Variants in AGBL4 observed in about 807,000 individuals in gnomAD.
The protein encoded by AGBL4 is cytosolic carboxypeptidase 6.
A neutral mutation model predicts 66.4 loss-of-function variants in AGBL4; 58 were observed. That is an observed-to-expected ratio of 0.87 (90% CI 0.71 to 1.09). AGBL4 has a LOEUF of 1.09. Among genes scored for constraint, AGBL4 ranks in the 50% least tolerant of loss-of-function variants. The probability of loss-of-function intolerance (pLI) is 0.00; values close to 1 mark genes in which losing one functional copy is unlikely to be tolerated. For missense variants in AGBL4, 579 were observed against 631.0 expected (o/e 0.92, Z 0.88); for synonymous variants, 234 against 222.9 (o/e 1.05, Z -0.44).
intron 3 of AGBL4, among the ~76,000 whole-genome samples, chr1:49,697,007 G>A (rs990547792): frequency 1.3e-5 from 2 of 152,056 alleles, no homozygotes; most frequent in Admixed American, 6.6e-5. Flanking sequence ...AAACATAATA[G>A]CAAGTCTCTT....
chr1:48,695,807 A>T (rs1646704879), intron 6 of AGBL4, among the ~76,000 whole-genome samples: 3 of 152,164 alleles, frequency 2.0e-5, no homozygotes, highest in Admixed American at 2.0e-4. Flanking sequence ...AAGGTGCTGC[A>T]AAGACAGACT....
chr1:49,985,641 C>T (rs2148393825), intron 1 of AGBL4, among the ~76,000 whole-genome samples: 1 of 152,266 alleles, frequency 6.6e-6, no homozygotes, highest in East Asian at 1.9e-4. Context: ...TCAGCACAGT[C>T]TTTAACAACA....
At chr1:49,315,349 A>C (rs574717121) in intron 3 of AGBL4, among the ~76,000 whole-genome samples, 4 of 152,106 alleles carry the variant, frequency 2.6e-5, no homozygotes, top group Admixed American at 6.6e-5. Flanking sequence ...GACTTCATGA[A>C]TAAAACACCA....
chr1:49,226,724 C>T (rs1307400802), intron 4 of AGBL4, among the ~76,000 whole-genome samples: 1 of 152,174 alleles, frequency 6.6e-6, no homozygotes. Flanking sequence ...CTCCTTAGGT[C>T]CCCTTTTTTC....
At chr1:48,746,968 C>T (rs892214993) in intron 6 of AGBL4, among the ~76,000 whole-genome samples, 3 of 152,194 alleles carry the variant, frequency 2.0e-5, no homozygotes, top group Non-Finnish European at 4.4e-5. Context: ...AGGGAGGGCC[C>T]CTAGTGCTTT....
intron 1 of AGBL4, among the ~76,000 whole-genome samples, chr1:49,918,767 G>T (rs1019113282): frequency 2.6e-5 from 4 of 152,106 alleles, no homozygotes; most frequent in African/African-American, 9.7e-5. Flanking sequence ...ACCAAAGACT[G>T]GCAGAGACAC....
At chr1:49,681,273 T>A (rs1228501999) in intron 3 of AGBL4, among the ~76,000 whole-genome samples, 3 of 152,226 alleles carry the variant, frequency 2.0e-5, no homozygotes, top group Non-Finnish European at 4.4e-5. Flanking sequence ...AGATTACTTT[T>A]AACTAAAATC....
At chr1:49,271,985 T>G (rs1359513353) in intron 3 of AGBL4, among the ~76,000 whole-genome samples, 1 of 152,178 alleles carries the variant, frequency 6.6e-6, no homozygotes, top group African/African-American at 2.4e-5. Flanking sequence ...ACAATGGATG[T>G]GAGGTCACTG....
chr1:48,976,417 G>T (rs1268530259), intron 5 of AGBL4, among the ~76,000 whole-genome samples: 1 of 152,172 alleles, frequency 6.6e-6, no homozygotes, highest in Non-Finnish European at 1.5e-5. Context: ...CTTGGTGGCA[G>T]AATGATTATA....
intron 8 of AGBL4, among the ~76,000 whole-genome samples, chr1:48,647,335 C>T (rs758027182): frequency 1.3e-5 from 2 of 152,090 alleles, no homozygotes; most frequent in African/African-American, 2.4e-5. Context: ...TGGGTAACTG[C>T]GTATTTTATG....
chr1:49,578,437 G>A (rs910726442), intron 3 of AGBL4, among the ~76,000 whole-genome samples: 1 of 152,182 alleles, frequency 6.6e-6, no homozygotes, highest in African/African-American at 2.4e-5. Context: ...TGAGGTGCTT[G>A]CTGAAGGCAA....
intron 5 of AGBL4, among the ~76,000 whole-genome samples, chr1:48,932,929 A>C (rs946486397): frequency 2.0e-5 from 3 of 152,156 alleles, no homozygotes; most frequent in Admixed American, 1.3e-4. Flanking sequence ...ACACACACAC[A>C]CCTTTGGGAA....
At chr1:49,423,186 G>C (rs1310248600) in intron 3 of AGBL4, 1 of 152,154 alleles carries the variant, frequency 6.6e-6, no homozygotes, top group Non-Finnish European at 1.5e-5. Context: ...AGGTTTGGGG[G>C]TTGTTTGTTG....
At chr1:49,665,256 T>G (rs907883667) in intron 3 of AGBL4, among the ~76,000 whole-genome samples, 1 of 152,148 alleles carries the variant, frequency 6.6e-6, no homozygotes, top group African/African-American at 2.4e-5. Flanking sequence ...GAAGCAAGAC[T>G]AAAGTTTAAA....
At chr1:49,603,500 G>A (rs947438785) in intron 3 of AGBL4, among the ~76,000 whole-genome samples, 109 of 151,190 alleles carry the variant, frequency 7.2e-4, no homozygotes, top group African/African-American at 2.6e-3. Flanking sequence ...ACTCCAGCCT[G>A]GGCGACAGAG....
chr1:49,827,151 T>A (rs999645792), intron 2 of AGBL4, among the ~76,000 whole-genome samples: 4 of 152,120 alleles, frequency 2.6e-5, no homozygotes, highest in South Asian at 2.1e-4. Context: ...TTTTAGACTA[T>A]TACAATGATT....
intron 6 of AGBL4, among the ~76,000 whole-genome samples, chr1:48,710,958 G>T (rs61774568): frequency 6.6e-6 from 1 of 152,002 alleles, no homozygotes; most frequent in East Asian, 1.9e-4. Flanking sequence ...GAAGCCTCCA[G>T]TGACAAACCT....
intron 3 of AGBL4, among the ~76,000 whole-genome samples, chr1:49,298,113 G>A (rs893363509): frequency 6.6e-6 from 1 of 152,164 alleles, no homozygotes; most frequent in African/African-American, 2.4e-5. Flanking sequence ...ATTCCTTTCA[G>A]GGTCCTGTCC....
chr1:50,004,601 C>A (rs1660997054), intron 1 of AGBL4, among the ~76,000 whole-genome samples: 1 of 152,128 alleles, frequency 6.6e-6, no homozygotes, highest in African/African-American at 2.4e-5. Context: ...GACAGGGCCC[C>A]AGACAGAGTC....
Sources: allele counts gnomAD v4.1 joint callset (sites outside exome capture counted in the v4.1 genomes callset), GRCh38; gene constraint gnomAD v4.1.1; transcripts MANE v1.5; gene names NCBI Gene and HGNC (gene_info 2026-07-23, HGNC 2026-07-21).